The following GBP5 variants were observed in gnomAD, a reference collection of about 807,000 sequenced individuals.
GBP5 encodes guanylate binding protein 5.
A neutral mutation model predicts 58.2 loss-of-function variants in GBP5; 48 were observed. The observed-to-expected ratio is 0.83, with a 90% CI of 0.65 to 1.05. The LOEUF (loss-of-function observed/expected upper bound fraction) is 1.05. Ranked by LOEUF, GBP5 falls within the 50% of genes least tolerant of loss-of-function variation. The pLI is 0.00. For missense variants in GBP5, 714 were observed against 686.8 expected, an observed-to-expected ratio of 1.04 and a Z score of -0.44; for synonymous variants, 248 against 251.8, an observed-to-expected ratio of 0.98 and a Z score of 0.14.
rs1650414111 is a variant in GBP5, at chr1:89,270,759, T to C, written c.-24A>G. The C allele has an allele frequency of 6.6e-6, 1 of 152,220 alleles. No individual in the cohort carries two copies. Among genetic ancestry groups the C allele is most frequent in the East Asian group, 1.9e-4 (1 of 5,204 alleles). 9.4% of individuals were successfully genotyped at this position (152,220 alleles called of 1,614,324 possible). A position where few individuals can be genotyped will look rare whatever the true frequency, so the allele number is the denominator to read the frequency against. On this transcript the variant is annotated 5_prime_UTR_variant, in exon 2 of 12. In the 5' UTR this introduces an upstream ATG that the reference lacks. Transcript: ENST00000370459. Reference sequence around the variant, plus strand: ...TTTTCAATGTAGTATTAGTACCTTATATATGTAGAATTCTGGTTGCCTGAT... The same window carrying C: ...TTTTCAATGTAGTATTAGTACCTTACATATGTAGAATTCTGGTTGCCTGAT...
At position 89,262,562 on chromosome 1, in the gene GBP5, AG is replaced by A. The variant is rs1157495432; in HGVS notation, c.1465+120del. ...GGATCATGCCAGTCAGATATGCTTG[AG>A]GAGCTAAGAAGCATCTTTGCCATTC... On this transcript the variant is annotated intron_variant, in intron 10 of 11. Transcript: ENST00000370459. 8.9e-6 allele frequency: 8 copies of A among 895,536 alleles called. No homozygotes were observed. The African/African-American group carries it at 1.3e-4, about 15-fold the overall frequency. 55.5% of individuals were successfully genotyped at this position (895,536 alleles called of 1,614,324 possible). A position where few individuals can be genotyped will look rare whatever the true frequency, so the allele number is the denominator to read the frequency against.
chr1:89,262,307 T>C lies in GBP5; in HGVS notation c.1560A>G (p.Arg520=). The C allele has an allele frequency of 6.2e-7, 1 of 1,613,950 alleles. No homozygotes were observed. The highest frequency in any genetic ancestry group is 8.5e-7 in the Non-Finnish European group (1 of 1,179,852). ...QNEQMMQERE[R]LHQEQVRQME... is the part of the protein sequence containing the mutation. ...TTTGTCTCACTTGTTCCTGATGGAG[T>C]CTCTCCCTCTCCTGCATCATTTGCT... The change falls in exon 11 of 12, where the codon AGA becomes AGG. Residue 520 remains arginine (R), a synonymous_variant. Transcript: ENST00000370459.
rs772855977 is a variant in GBP5, at chr1:89,264,710, G to T, written c.1125C>A (p.Asp375Glu). The T allele has an allele frequency of 6.2e-7, 1 of 1,613,986 alleles. No individual in the cohort carries two copies. Among genetic ancestry groups the T allele is most frequent in the Non-Finnish European group, 8.5e-7 (1 of 1,179,932 alleles). Residue 375 changes from aspartate to glutamate, a missense_variant, in exon 8 of 12, where the codon GAC (aspartate) becomes GAA (glutamate). Coordinates refer to ENST00000370459, the MANE Select transcript of GBP5 (RefSeq NM_052942.5). ...VFMKNSFKDV[D>E]QSFQKELETL... ...CCTCCAATTCTTTCTGGAAACTTTG[G>T]TCTACATCCTTGAAAGAGTTTTTCA...
chr1:89,267,827 C>A (rs1283954596), intron 4 of GBP5, among the ~76,000 whole-genome samples: 3 of 152,124 alleles, frequency 2.0e-5, no homozygotes, highest in African/African-American at 7.2e-5. Context: ...AGTACATATA[C>A]CTATTTTATT....
rs1214587222 is a variant in GBP5, at chr1:89,269,392, A to G, written c.164T>C (p.Met55Thr). The G allele has an allele frequency of 6.2e-7, 1 of 1,613,974 alleles. No homozygotes were observed. The highest frequency in any genetic ancestry group is 8.5e-7 in the Non-Finnish European group (1 of 1,180,012). ...CTTGTTCTTCCCAGCCAGCTTGTTC[A>G]TCAGGTAGGATTTGCCAGTGCGATA... ...GLYRTGKSYL[M>T]NKLAGKNKGF... The change falls in exon 3 of 12, where the codon ATG (methionine) becomes ACG (threonine). Residue 55 changes from methionine (M) to threonine (T), a missense_variant. Transcript: ENST00000370459.
In GBP5 at chr1:89,257,617, C is replaced by T. The variant is rs1309523962; in HGVS notation, c.*3087G>A. 6.6e-6 allele frequency among the ~76,000 whole-genome samples: 1 copy of T among 152,028 alleles called. No homozygotes were observed. Among genetic ancestry groups the T allele is most frequent in the African/African-American group, 2.4e-5 (1 of 41,396 alleles). On this transcript the variant is annotated 3_prime_UTR_variant, in exon 12 of 12. Coordinates refer to ENST00000370459, the MANE Select transcript of GBP5 (RefSeq NM_052942.5). ...ACATTGATAATATTGTTTAAAATAA[C>T]AATTGCCATAAAACAATACTAAATG...
intron 2 of GBP5, 126 bp from the exon 3 acceptor site, chr1:89,269,700 A>C (rs569605331): frequency 3.6e-6 from 2 of 559,632 alleles, no homozygotes; most frequent in East Asian, 5.7e-5. Context: ...CTGGAAAAAA[A>C]AAGTTTTAAA....
Position 89,263,941 on chromosome 1 carries a change from A to G in GBP5, c.1157T>C (p.Leu386Pro). The G allele has an allele frequency of 6.2e-7, 1 of 1,600,948 alleles. No individual in the cohort carries two copies. Among genetic ancestry groups the G allele is most frequent in the Non-Finnish European group, 8.5e-7 (1 of 1,169,716 alleles). ...QSFQKELETLLDAKQNDICKR... is the reference protein window; with the variant it reads ...QSFQKELETLPDAKQNDICKR... ...ACAAATGTCATTCTGTTTTGCATCT[A>G]GTAGAGTCTTCAAAGAGACAAAAAC... Residue 386 changes from leucine (L) to proline (P), a missense_variant, in exon 9 of 12, where the codon CTA becomes CCA. Transcript: ENST00000370459.
chr1:89,263,744 C>T lies in GBP5; in HGVS notation c.1354G>A (p.Gly452Arg). ...KAKYYREPRK[G>R]IQAEEVLQKY... ...GGTAGAACTAGGGATACCTGTATTCCTTTCCGAGGCTCCCGATAGTACTTT... is the reference window on the plus strand; with the variant it reads ...GGTAGAACTAGGGATACCTGTATTCTTTTCCGAGGCTCCCGATAGTACTTT... Residue 452 changes from glycine to arginine, a missense_variant, in exon 9 of 12, where the codon GGA becomes AGA. Coordinates refer to ENST00000370459, the MANE Select transcript of GBP5 (RefSeq NM_052942.5). The T allele has an allele frequency of 6.2e-7, 1 of 1,611,792 alleles. No individual in the cohort carries two copies. Among genetic ancestry groups the T allele is most frequent in the Non-Finnish European group, 8.5e-7 (1 of 1,178,164 alleles).
chr1:89,266,285 A>T, intron 7 of GBP5, 61 bp downstream of exon 7: 1 of 1,401,872 alleles, frequency 7.1e-7, no homozygotes, highest in Non-Finnish European at 9.9e-7. Flanking sequence ...GGATAATCTT[A>T]TAAAAAGTGT....
chr1:89,257,736 A>C lies in GBP5; in HGVS notation c.*2968T>G, dbSNP rs1557497487. Among the ~76,000 whole-genome samples the C allele has an allele frequency of 6.6e-6, 1 of 152,238 alleles. No individual in the cohort carries two copies. Among genetic ancestry groups the C allele is most frequent in the Non-Finnish European group, 1.5e-5 (1 of 68,040 alleles). On this transcript the variant is annotated 3_prime_UTR_variant, in exon 12 of 12. Coordinates refer to ENST00000370459, the MANE Select transcript of GBP5 (RefSeq NM_052942.5). ...TCCAAATATCTCTTAGCTGGTATGA[A>C]TAACTATTCATAGTATTAACTAATA...
rs372467199 is a variant in GBP5, at chr1:89,269,514, G to A, written c.42C>T (p.Ile14=). ...CCTTCAGCTGCTCATTAAAGTTCTC[G>A]ATGAGGCACATGGGGTCTGACATGT... The part of the protein sequence containing the change: ...EIHMSDPMCL[I]ENFNEQLKVN... The change falls in exon 3 of 12, where the codon ATC becomes ATT. Residue 14 remains isoleucine (I), a synonymous_variant. Coordinates refer to ENST00000370459, the MANE Select transcript of GBP5 (RefSeq NM_052942.5). The A allele has an allele frequency of 2.5e-5, 40 of 1,613,892 alleles. No individual in the cohort carries two copies. Among genetic ancestry groups the A allele is most frequent in the South Asian group, 1.3e-4 (12 of 91,062 alleles).
chr1:89,267,671 A>T (rs1182984986), intron 4 of GBP5, 145 bp from the exon 5 acceptor site: 1 of 618,090 alleles, frequency 1.6e-6, no homozygotes, highest in African/African-American at 1.8e-5. Context: ...TCTTGTTAAC[A>T]TTGATAATTT....
intron 9 of GBP5, chr1:89,263,089 T>C (rs1172088026): frequency 3.2e-5 from 7 of 221,544 alleles, no homozygotes; most frequent in Non-Finnish European, 5.3e-5. Flanking sequence ...AGAAAAATAC[T>C]GCAAAGAGTA....
rs1041015732 is a variant in GBP5 at position 89,258,207 on chromosome 1, A to G, written c.*2497T>C. Among the ~76,000 whole-genome samples, 1 of 152,080 alleles carries G rather than the reference A, an allele frequency of 6.6e-6. No individual in the cohort carries two copies. The highest frequency in any genetic ancestry group is 2.4e-5 in the African/African-American group (1 of 41,394). On this transcript the variant is annotated 3_prime_UTR_variant, in exon 12 of 12. Coordinates refer to ENST00000370459, the MANE Select transcript of GBP5 (RefSeq NM_052942.5). The stretch of plus-strand genomic sequence containing the variant: ...ATGCCTCTCTGGTTTTTGGTGGGGG[A>G]GATATAATAGCAAAAGTTAAATTAG...
intron 7 of GBP5, 21 bp from the exon 8 acceptor site, chr1:89,264,987 T>A (rs1228425825): frequency 6.3e-7 from 1 of 1,590,868 alleles, no homozygotes; most frequent in South Asian, 1.1e-5. Flanking sequence ...GAAAGAAACA[T>A]TTATATTATT....
rs934017348 is a variant in GBP5, at chr1:89,270,739, A to G, written c.-20+16T>C. On this transcript the variant is annotated intron_variant, in intron 2 of 11. Coordinates refer to ENST00000370459, the MANE Select transcript of GBP5 (RefSeq NM_052942.5). ...TCTCTTCTCATTCTAATCTATTTTC[A>G]ATGTAGTATTAGTACCTTATATATG... is the stretch of plus-strand genomic sequence containing the variant. 3 of 152,236 alleles carry G rather than the reference A, an allele frequency of 2.0e-5. No individual in the cohort carries two copies. The highest frequency in any genetic ancestry group is 7.2e-5 in the African/African-American group (3 of 41,460). 9.4% of individuals were successfully genotyped at this position (152,236 alleles called of 1,614,324 possible). A position where few individuals can be genotyped will look rare whatever the true frequency, so the allele number is the denominator to read the frequency against.
intron 1 of GBP5, chr1:89,271,220 A>G (rs1489526036): frequency 6.6e-6 from 1 of 152,190 alleles, no homozygotes; most frequent in Non-Finnish European, 1.5e-5. Flanking sequence ...TGCAAATAAA[A>G]ACAATGCAAG....
intron 2 of GBP5, chr1:89,270,286 G>C (rs926861078): frequency 3.3e-5 from 5 of 152,042 alleles, no homozygotes; most frequent in South Asian, 2.1e-4. Context: ...AAAAATGTTT[G>C]AGCTATATGA....
Sources: gnomAD v4.1 joint callset for allele counts (sites outside exome capture counted in the v4.1 genomes callset) on GRCh38, gnomAD v4.1.1 for gene constraint, MANE v1.5 for transcripts, NCBI Gene and HGNC (gene_info 2026-07-23, HGNC 2026-07-21) for gene names.